The following ACAT1 variants were observed in gnomAD, a reference collection of about 807,000 sequenced individuals.
ACAT1 encodes acetyl-CoA acetyltransferase, mitochondrial.
ACAT1 carries 28 observed loss-of-function variants against 47.3 expected under a neutral mutation model. The observed-to-expected ratio is 0.59, with a 90% CI of 0.44 to 0.81. ACAT1 has a LOEUF of 0.81. ACAT1 is among the 30% of genes least tolerant of loss of function. The pLI, the probability that ACAT1 is intolerant of heterozygous loss-of-function variation, is 0.00. For synonymous variants in ACAT1, 181 were observed against 173.6 expected (o/e 1.04, Z -0.34); for missense variants, 469 against 524.3 (o/e 0.89, Z 1.03).
chr11:108,122,015 CTT>C (rs2077160185), intron 1 of ACAT1: 2 of 445,160 alleles, frequency 4.5e-6, no homozygotes, highest in Non-Finnish European at 8.2e-6. Flanking sequence ...GGGAGAGTCT[CTT>C]TGCAGGCCTG....
rs1380608828 is a variant in ACAT1, at chr11:108,134,249, A to C, written c.267A>C (p.Ala89=). Residue 89 remains alanine (A), a synonymous_variant, in exon 4 of 12, where the codon GCA becomes GCC. Transcript: ENST00000265838. ...AGIPKEEVKE[A]YMGNVLQGGE... ...TTCCAAAAGAAGAAGTGAAAGAAGC[A>C]TACATGGGTAATGTTCTACAAGGAG... 2.5e-6 allele frequency: 4 copies of C among 1,613,622 alleles called. No individual in the cohort carries two copies. The highest frequency in any genetic ancestry group is 3.4e-6 in the Non-Finnish European group (4 of 1,179,812).
At chr11:108,124,943 T>C (rs1390751376) in intron 1 of ACAT1, among the ~76,000 whole-genome samples, 2 of 152,208 alleles carry the variant, frequency 1.3e-5, no homozygotes, top group Non-Finnish European at 2.9e-5. Flanking sequence ...GACTCTCCCA[T>C]GTAAAGTAGG....
rs1346954123 is a variant in ACAT1 at position 108,134,318 on chromosome 11, T to A, written c.334+2T>A. On this transcript the variant is annotated splice_donor_variant, in intron 4 of 11. Coordinates refer to ENST00000265838, the MANE Select transcript of ACAT1 (RefSeq NM_000019.4). LOFTEE classifies it high-confidence loss of function. ...CAAGGCAGGCAGTATTGGGTGCAGG[T>A]ACCTGGAAGACTTTTTTGCTTTTAT... 1.2e-6 allele frequency: 2 copies of A among 1,612,374 alleles called. No homozygotes were observed. The highest frequency in any genetic ancestry group is 2.7e-5 in the African/African-American group (2 of 74,846).
intron 1 of ACAT1, among the ~76,000 whole-genome samples, chr11:108,124,789 T>C (rs1171814246): frequency 6.6e-6 from 1 of 152,200 alleles, no homozygotes; most frequent in East Asian, 1.9e-4. Flanking sequence ...CTATACTTAG[T>C]ATGTGTGCCA....
chr11:108,137,012 A>C (rs7950834), intron 5 of ACAT1: 146,222 of 152,278 alleles, frequency 0.96, 70,489 homozygotes, highest in East Asian at 1. Flanking sequence ...TATTAAACTT[A>C]TATATGCCAG....
intron 7 of ACAT1, among the ~76,000 whole-genome samples, chr11:108,141,368 T>TAAA (rs2077581181): frequency 5.1e-5 from 1 of 19,564 alleles, no homozygotes; most frequent in African/African-American, 2.5e-4. Flanking sequence ...AAACCCTGCC[T>TAAA]CAAAAAAAAA....
At chr11:108,129,723 C>T (rs2077321635) in intron 1 of ACAT1, among the ~76,000 whole-genome samples, 1 of 152,014 alleles carries the variant, frequency 6.6e-6, no homozygotes, top group South Asian at 2.1e-4. Flanking sequence ...ATTGCTGGAT[C>T]AAATGGTAGT....
At chr11:108,147,238 C>T in intron 11 of ACAT1, 32 bp from the exon 12 acceptor site, 1 of 1,611,918 alleles carries the variant, frequency 6.2e-7, no homozygotes, top group Non-Finnish European at 8.5e-7. Flanking sequence ...TTCTGTACTT[C>T]ATTAAAGAAG....
At chr11:108,139,282 TCAAGTA>T (rs2077534311) in intron 6 of ACAT1, 3 of 498,644 alleles carry the variant, frequency 6.0e-6, no homozygotes, top group Admixed American at 6.2e-5. Context: ...CTTGGCTAAT[TCAAGTA>T]TGTGAAGATA....
At position 108,143,935 on chromosome 11, in the gene ACAT1, T is replaced by TAA. The variant is rs5794587; in HGVS notation, c.941-38_941-37dup. 4.8e-3 allele frequency: 3,752 copies of TAA among 784,030 alleles called. 2 individuals are homozygous for TAA. The highest frequency in any genetic ancestry group is 0.012 in the East Asian group (276 of 23,774). The allele number at this position is 784,030 out of a possible 1,614,324, so 48.6% of individuals were successfully genotyped here. On this transcript the variant is annotated intron_variant, in intron 9 of 11. Coordinates refer to ENST00000265838, the MANE Select transcript of ACAT1 (RefSeq NM_000019.4). ...CTTGGCTTGTGCATATTCTATACAG[T>TAA]AAAAAAAAAAAGATTTTAACAACCC...
rs188689264 is a variant in ACAT1 at position 108,147,109 on chromosome 11, T to C, written c.1164-161T>C. 1.3e-4 allele frequency among the ~76,000 whole-genome samples: 20 copies of C among 152,276 alleles called. No individual in the cohort carries two copies. The East Asian group carries it at 2.7e-3, about 21-fold the overall frequency. ...ATGATCTAAGATCTGTGACCCTTCC[T>C]GAAACAAGTCCTCCAAGTTTTAGTT... On this transcript the variant is annotated intron_variant, in intron 11 of 11. Coordinates refer to ENST00000265838, the MANE Select transcript of ACAT1 (RefSeq NM_000019.4).
Position 108,131,919 on chromosome 11 carries a change from G to T in ACAT1, c.85G>T (p.Val29Leu), listed in dbSNP as rs764142914. ...LRRLVQEIRY[V>L]ERSYVSKPTL... is the part of the protein sequence containing the mutation. ...ATTTATATTACAGGAAATAAGATAT[G>T]TGGAACGGAGTTATGTATCAAAACC... Residue 29 changes from valine (V) to leucine (L), a missense_variant, in exon 2 of 12, where the codon GTG becomes TTG. Val to Leu is a conservative substitution (Grantham distance 32, BLOSUM62 1). Coordinates refer to ENST00000265838, the MANE Select transcript of ACAT1 (RefSeq NM_000019.4). The T allele has an allele frequency of 1.0e-5, 15 of 1,448,782 alleles. No individual in the cohort carries two copies. The African/African-American group carries it at 1.8e-4, about 18-fold the overall frequency. The allele number at this position is 1,448,782 out of a possible 1,614,324, so 89.7% of individuals were successfully genotyped here.
intron 4 of ACAT1, 160 bp downstream of exon 4, chr11:108,134,476 C>A (rs993868119): frequency 1.1e-5 from 6 of 530,950 alleles, no homozygotes; most frequent in African/African-American, 9.9e-5. Context: ...AACCCCGTCT[C>A]TACTAAAAAT....
intron 1 of ACAT1, among the ~76,000 whole-genome samples, chr11:108,130,043 A>G (rs975106494): frequency 6.6e-6 from 1 of 152,098 alleles, no homozygotes; most frequent in East Asian, 1.9e-4. Flanking sequence ...GCCATGGTCT[A>G]TTTCTCCTGT....
intron 9 of ACAT1, 24 bp downstream of exon 9, chr11:108,142,574 C>A (rs2077612133): frequency 6.3e-7 from 1 of 1,574,988 alleles, no homozygotes; most frequent in Admixed American, 1.7e-5. Context: ...AGGTGGCTCA[C>A]ACCTGTAATC....
chr11:108,128,230 G>C (rs546019729), intron 1 of ACAT1, among the ~76,000 whole-genome samples: 1 of 152,364 alleles, frequency 6.6e-6, no homozygotes, highest in African/African-American at 2.4e-5. Flanking sequence ...GAACTGTAAA[G>C]AGGAGGTGAG....
At chr11:108,128,118 G>A (rs1429880938) in intron 1 of ACAT1, 1 of 152,270 alleles carries the variant, frequency 6.6e-6, no homozygotes, top group African/African-American at 2.4e-5. Context: ...GGTTAAGTGA[G>A]ACAATTATAG....
In ACAT1 at chr11:108,133,873, C is replaced by G. The variant is rs147018814; in HGVS notation, c.174C>G (p.Ser58Arg). 12 of 1,613,956 alleles carry G rather than the reference C, an allele frequency of 7.4e-6. No individual in the cohort carries two copies. The highest frequency in any genetic ancestry group is 5.3e-5 in the African/African-American group (4 of 74,904). The change falls in exon 3 of 12, where the codon AGC (serine) becomes AGG (arginine). Residue 58 changes from serine to arginine, a missense_variant. Ser to Arg is a moderately radical substitution (Grantham distance 110). Transcript: ENST00000265838. ...TRTPIGSFLG[S>R]LSLLPATKLG... ...CACCCATTGGATCTTTTTTAGGCAG[C>G]CTTTCCTTGCTGCCAGCCACTAAGC...
upstream of ACAT1, among the ~76,000 whole-genome samples, chr11:108,118,475 C>T (rs921069758): frequency 2.0e-5 from 3 of 151,954 alleles, no homozygotes; most frequent in South Asian, 2.1e-4. Context: ...CCTGGGTTCA[C>T]GCCACTGTCC....
Sources: allele counts gnomAD v4.1 joint callset (sites outside exome capture counted in the v4.1 genomes callset), GRCh38; gene constraint gnomAD v4.1.1; transcripts MANE v1.5; gene names NCBI Gene and HGNC (gene_info 2026-07-23, HGNC 2026-07-21).